The following PLEC variants were observed in gnomAD, a reference collection of about 807,000 sequenced individuals.
PLEC encodes the protein hemidesmosomal protein 1.
In PLEC, 216 loss-of-function variants were observed where a neutral mutation model predicts 392.8. The ratio of observed to expected loss-of-function variants is 0.55; its 90% CI spans 0.49 to 0.62. The LOEUF is 0.62. Ranked by LOEUF, PLEC falls within the 20% of genes least tolerant of loss-of-function variation. The probability of loss-of-function intolerance (pLI) is 0.00; values close to 1 mark genes in which losing one functional copy is unlikely to be tolerated. For missense variants in PLEC, 6,863 were observed against 6,563.4 expected (o/e 1.05, Z -1.58); for synonymous variants, 3,621 against 2,980.6 (o/e 1.21, Z -7.00).
upstream of PLEC, among the ~76,000 whole-genome samples, chr8:143,955,685 G>A (rs918848748): frequency 7.4e-5 from 11 of 149,468 alleles, no homozygotes; most frequent in Non-Finnish European, 1.3e-4. Flanking sequence ...CAGCAGCCTC[G>A]ACCTCCTGGG....
In PLEC at chr8:143,927,241, C is replaced by G. The variant is rs782746634; in HGVS notation, c.3840+11G>C. The G allele has an allele frequency of 9.3e-6, 15 of 1,612,082 alleles. No individual in the cohort carries two copies. The highest frequency in any genetic ancestry group is 1.3e-5 in the Non-Finnish European group (15 of 1,178,886). The stretch of plus-strand genomic sequence containing the variant: ...CGGACTTGGGGCCTGGTGCAGGCGG[C>G]TGGGCCTCACCTTGATGGCGTTGAT... On this transcript the variant is annotated intron_variant, in intron 28 of 31. Coordinates refer to ENST00000345136, the MANE Select transcript of PLEC (RefSeq NM_201384.3).
chr8:143,925,913 A>C, intron 30 of PLEC, 29 bp from the exon 31 acceptor site: 1 of 1,534,898 alleles, frequency 6.5e-7, no homozygotes. Flanking sequence ...GAAGAAGAGA[A>C]GCAGAGAGAG....
At chr8:143,943,708 A>G, upstream of PLEC, 1 of 1,399,684 alleles carries the variant, frequency 7.1e-7, no homozygotes, top group African/African-American at 1.4e-5. Flanking sequence ...GGGCGCAGGG[A>G]ATGAAGGGGC....
rs782315971 is a variant in PLEC, at chr8:143,927,271, T to A, written c.3821A>T (p.Gln1274Leu). 1 of 1,613,324 alleles carries A rather than the reference T, an allele frequency of 6.2e-7. No individual in the cohort carries two copies. The highest frequency in any genetic ancestry group is 1.1e-5 in the South Asian group (1 of 91,088). ...KVEECQRFAK[Q>L]YINAIKDYEL... ...CCTCACCTTGATGGCGTTGATGTAC[T>A]GTTTCGCAAACCTCTGGCACTCCTC... The change falls in exon 28 of 32, where the codon CAG becomes CTG. Residue 1274 changes from glutamine (Q) to leucine (L), a missense_variant. By Grantham distance (113) the Gln-to-Leu change is moderately radical. Transcript: ENST00000345136.
In PLEC at chr8:143,921,510, C is replaced by T. The variant is rs1554686064; in HGVS notation, c.8311G>A (p.Glu2771Lys). ...TCCTTGTAGCCAGTGACGGCGCGCT[C>T]GGCCGACAGCAGCTTGTGGTGCAGC... ...PELHHKLLSA[E>K]RAVTGYKDPY... is the part of the protein sequence containing the mutation. Residue 2771 changes from glutamate to lysine, a missense_variant, in exon 32 of 32, where the codon GAG becomes AAG. By Grantham distance (56) the Glu-to-Lys change is moderately conservative. Transcript: ENST00000345136. 11 of 1,612,794 alleles carry T rather than the reference C, an allele frequency of 6.8e-6. No individual in the cohort carries two copies. Among genetic ancestry groups the T allele is most frequent in the Middle Eastern group, 1.6e-4 (1 of 6,084 alleles).
chr8:143,958,818 G>A (rs1212032266), upstream of PLEC: 6 of 288,240 alleles, frequency 2.1e-5, no homozygotes, highest in East Asian at 1.9e-4. This position sits in a 1 kb window ranked among gnomAD's most constrained non-coding sequence, Gnocchi z 4.9. Context: ...GGGCCCCTGG[G>A]GCGGCTGCCT....
At chr8:143,932,764 C>G in intron 14 of PLEC, 29 bp downstream of exon 14, 1 of 1,610,250 alleles carries the variant, frequency 6.2e-7, no homozygotes, top group Non-Finnish European at 8.5e-7. Context: ...GGCCCACCCC[C>G]GCACTGCCCA....
At position 143,924,194 on chromosome 8, in the gene PLEC, A is replaced by G. The variant is rs1226737255; in HGVS notation, c.5735T>C (p.Leu1912Pro). ...CCGCTGCCTCAGCGTGTCCTCCACC[A>G]GCCCCTTCTGCCGCTCCAGCTCGCT... ...SDSELERQKG[L>P]VEDTLRQRRQ... is the part of the protein sequence containing the mutation. Residue 1912 changes from leucine to proline, a missense_variant, in exon 31 of 32, where the codon CTG becomes CCG. Leu to Pro is a moderately conservative substitution (Grantham distance 98, BLOSUM62 -3). Transcript: ENST00000345136. The G allele has an allele frequency of 5.6e-6, 9 of 1,598,738 alleles. No homozygotes were observed. The highest frequency in any genetic ancestry group is 1.7e-5 in the Admixed American group (1 of 59,962).
rs782312782 is a variant in PLEC at position 143,925,001 on chromosome 8, C to T, written c.4928G>A (p.Arg1643Gln). ...RWQLKANEALRLRLQAEEVAQ... is the reference protein window; with the variant it reads ...RWQLKANEALQLRLQAEEVAQ... ...CACCTCCTCCGCCTGCAGCCGCAGC[C>T]GTAGCGCCTCGTTGGCCTTGAGCTG... The change falls in exon 31 of 32, where the codon CGG (arginine) becomes CAG (glutamine). Residue 1643 changes from arginine to glutamine, a missense_variant. Physicochemically the swap from Arg to Gln is conservative, Grantham distance 43. Transcript: ENST00000345136. The T allele has an allele frequency of 2.9e-5, 45 of 1,573,642 alleles. No homozygotes were observed. The highest frequency in any genetic ancestry group is 4.6e-5 in the East Asian group (2 of 43,358).
upstream of PLEC, among the ~76,000 whole-genome samples, chr8:143,954,923 A>G (rs945425265): frequency 1.3e-5 from 2 of 152,214 alleles, no homozygotes; most frequent in Non-Finnish European, 2.9e-5. The surrounding 1 kb of genome is among the most constrained non-coding windows in gnomAD (Gnocchi z 4.6). Flanking sequence ...TCCTGTAAAC[A>G]GACCCACTGT....
At chr8:143,935,434 C>T (rs1828778997) in intron 6 of PLEC, 121 bp from the exon 7 acceptor site, 5 of 738,098 alleles carry the variant, frequency 6.8e-6, no homozygotes, top group East Asian at 5.3e-5. Flanking sequence ...CAACACTCAC[C>T]CTGAAAAATA....
chr8:143,934,989 G>C (rs1277750865), intron 8 of PLEC, 22 bp downstream of exon 8: 1 of 1,611,554 alleles, frequency 6.2e-7, no homozygotes, highest in Non-Finnish European at 8.5e-7. Context: ...CAAGCCCCCT[G>C]CCCTCCGGGC....
chr8:143,943,993 G>GCCGGGA (rs1160085812), upstream of PLEC: 5 of 1,521,760 alleles, frequency 3.3e-6, no homozygotes, highest in Non-Finnish European at 4.4e-6. Context: ...GAGGGGGAGC[G>GCCGGGA]CCGGGACCGG....
Position 143,972,697 on chromosome 8 carries a change from C to T in PLEC, c.70+706G>A, listed in dbSNP as rs191740488. Reference sequence around the variant, plus strand: ...TGCTGTGTCCACAACCGCCTGGAGCCGGGCGACCCAGGCTGAGCCAGGCAG... The same window carrying T: ...TGCTGTGTCCACAACCGCCTGGAGCTGGGCGACCCAGGCTGAGCCAGGCAG... On this transcript the variant is annotated intron_variant, in intron 1 of 31. Coordinates refer to the PLEC transcript ENST00000356346. 8.8e-3 allele frequency among the ~76,000 whole-genome samples: 1,348 copies of T among 152,320 alleles called. 21 individuals carry two copies. Among genetic ancestry groups the T allele is most frequent in the African/African-American group, 0.03 (1,235 of 41,570 alleles).
At chr8:143,965,342 G>C (rs1833036789) in intron 1 of PLEC, among the ~76,000 whole-genome samples, 1 of 151,842 alleles carries the variant, frequency 6.6e-6, no homozygotes, top group Non-Finnish European at 1.5e-5. Flanking sequence ...AGGCCCCACA[G>C]GCTGATGTCC....
rs1554707276 is a variant in PLEC, at chr8:143,927,391, C to T, written c.3756+19G>A. On this transcript the variant is annotated intron_variant, in intron 27 of 31. Transcript: ENST00000345136. ...GCAGGGCACGCCCAGCCGCCCCGTC[C>T]CCACCGACCCAAGCCCACCTGCTCC... is the stretch of plus-strand genomic sequence containing the variant. The T allele has an allele frequency of 6.2e-7, 1 of 1,607,972 alleles. No individual in the cohort carries two copies. Among genetic ancestry groups the T allele is most frequent in the Non-Finnish European group, 8.5e-7 (1 of 1,179,258 alleles).
rs782364083 is a variant in PLEC at position 143,919,822 on chromosome 8, G to A, written c.9999C>T (p.Asp3333=). ...AAAGGTCCTTGACCGTCGTCTTGCC[G>A]TCCTTGAGCTGCTCAAACTGGGCTC... is the stretch of plus-strand genomic sequence containing the variant. The part of the protein sequence containing the change: ...LSRAQFEQLK[D]GKTTVKDLSE... Residue 3333 remains aspartate, a synonymous_variant, in exon 32 of 32, where the codon GAC becomes GAT. Transcript: ENST00000345136. 44 of 1,612,928 alleles carry A rather than the reference G, an allele frequency of 2.7e-5. No individual in the cohort carries two copies. The highest frequency in any genetic ancestry group is 3.4e-5 in the Non-Finnish European group (40 of 1,180,022).
Position 143,934,556 on chromosome 8 carries a change from G to A in PLEC, c.1041+79C>T. The A allele has an allele frequency of 1.1e-5, 17 of 1,600,130 alleles. No individual in the cohort carries two copies. In the South Asian group the frequency reaches 1.9e-4, roughly 18 times the overall value. On this transcript the variant is annotated intron_variant, in intron 10 of 31. Transcript: ENST00000345136. ...GGGACAGCCCTGGTCCCAAAGGCAG[G>A]GCCAGGTCGGCTCCGGAAGAACCTT...
Position 143,932,154 on chromosome 8 carries a change from G to A in PLEC, c.2058C>T (p.Asp686=). 1.9e-6 allele frequency: 3 copies of A among 1,611,728 alleles called. No homozygotes were observed. The highest frequency in any genetic ancestry group is 2.5e-6 in the Non-Finnish European group (3 of 1,179,782). ...CCTCCACCGTGGGCCGGGCCGGGTG[G>A]TCCTCCCGCAGCAGCCGGTCCCCAG... The part of the protein sequence containing the change: ...QNAGDRLLRE[D]HPARPTVESF... The change falls in exon 17 of 32, where the codon GAC becomes GAT. Residue 686 remains aspartate (D), a synonymous_variant. Transcript: ENST00000345136.
Sources: allele counts gnomAD v4.1 joint callset (sites outside exome capture counted in the v4.1 genomes callset), GRCh38; gene constraint gnomAD v4.1.1; non-coding constraint Gnocchi (gnomAD v3.1); transcripts MANE v1.5; gene names NCBI Gene and HGNC (gene_info 2026-07-23, HGNC 2026-07-21).